The following SEZ6L variants were observed in gnomAD, a reference collection of about 807,000 sequenced individuals.
SEZ6L encodes seizure related 6 homolog like, also known as seizure 6-like protein.
Under a neutral mutation model 106.2 loss-of-function variants are expected in SEZ6L, and 37 were observed. That is an observed-to-expected ratio of 0.35 (90% CI 0.27 to 0.46). The LOEUF (loss-of-function observed/expected upper bound fraction) is 0.46. Among genes scored for constraint, SEZ6L ranks in the 20% least tolerant of loss-of-function variants. The pLI, the probability that SEZ6L is intolerant of heterozygous loss-of-function variation, is 1.00. For missense variants in SEZ6L, 1,172 were observed against 1,332.8 expected (o/e 0.88, Z 1.88); for synonymous variants, 541 against 570.4 (o/e 0.95, Z 0.73).
intron 1 of SEZ6L, among the ~76,000 whole-genome samples, chr22:26,187,288 C>T (rs891963947): frequency 6.6e-6 from 1 of 152,198 alleles, no homozygotes; most frequent in East Asian, 1.9e-4. Context: ...CTTGTGAGAA[C>T]TCACTCACTA....
At chr22:26,372,953 A>G (rs929758548) in intron 13 of SEZ6L, among the ~76,000 whole-genome samples, 1 of 152,194 alleles carries the variant, frequency 6.6e-6, no homozygotes, top group African/African-American at 2.4e-5. Context: ...GCCCCACATG[A>G]AAATGATGAA....
chr22:26,344,006 A>T (rs894382415), intron 10 of SEZ6L, among the ~76,000 whole-genome samples: 6 of 152,192 alleles, frequency 3.9e-5, no homozygotes, highest in Non-Finnish European at 7.3e-5. Flanking sequence ...GGTATTTGTT[A>T]TTCTGGCTCT....
chr22:26,306,428 C>T (rs971326381), intron 6 of SEZ6L, among the ~76,000 whole-genome samples: 1 of 152,144 alleles, frequency 6.6e-6, no homozygotes, highest in East Asian at 1.9e-4. Context: ...CTTGCACACC[C>T]CTTTTTGCAG....
chr22:26,375,558 C>T lies in SEZ6L; in HGVS notation c.2828-17C>T, dbSNP rs777796673. 19 of 1,602,594 alleles carry T rather than the reference C, an allele frequency of 1.2e-5. No homozygotes were observed. In the Admixed American group the frequency reaches 1.8e-4, roughly 15 times the overall value. On this transcript the variant is annotated splice_polypyrimidine_tract_variant and intron_variant, in intron 14 of 16. Transcript: ENST00000248933. The stretch of plus-strand genomic sequence containing the variant: ...AGCTACCTGGGAAATGAGGACCTCA[C>T]TGGCTCCTGTGTTCAGTAGCAGAAG...
chr22:26,185,961 T>G (rs1429119687), intron 1 of SEZ6L, among the ~76,000 whole-genome samples: 1 of 152,138 alleles, frequency 6.6e-6, no homozygotes, highest in Non-Finnish European at 1.5e-5. Context: ...AGCCCTGTTC[T>G]CCTGCCTCCT....
chr22:26,228,445 T>C (rs2078699984), intron 1 of SEZ6L, among the ~76,000 whole-genome samples: 1 of 152,118 alleles, frequency 6.6e-6, no homozygotes, highest in Non-Finnish European at 1.5e-5. Context: ...CACTGTGCCA[T>C]TTGTCACTCC....
chr22:26,192,440 CAT>C (rs1342028398), intron 1 of SEZ6L, among the ~76,000 whole-genome samples: 22 of 152,126 alleles, frequency 1.4e-4, no homozygotes, highest in Admixed American at 9.2e-4. Flanking sequence ...TCTCAATTTA[CAT>C]ATACCTGTAG....
At chr22:26,225,807 G>T (rs752215033) in intron 1 of SEZ6L, among the ~76,000 whole-genome samples, 6 of 152,176 alleles carry the variant, frequency 3.9e-5, no homozygotes, top group Non-Finnish European at 8.8e-5. Context: ...ATGGCTTCTA[G>T]TTCCACCCAG....
chr22:26,343,997 G>A (rs775831715), intron 10 of SEZ6L, among the ~76,000 whole-genome samples: 2 of 152,150 alleles, frequency 1.3e-5, no homozygotes, highest in African/African-American at 2.4e-5. Context: ...CATGAGAAGG[G>A]TATTTGTTAT....
At chr22:26,322,225 A>G (rs930083596) in intron 9 of SEZ6L, among the ~76,000 whole-genome samples, 3 of 152,202 alleles carry the variant, frequency 2.0e-5, no homozygotes, top group Non-Finnish European at 2.9e-5. Context: ...AGATATTATC[A>G]TTACCACTTT....
At chr22:26,348,735 A>AAGGGG (rs2083156270) in intron 11 of SEZ6L, among the ~76,000 whole-genome samples, 1 of 16,850 alleles carries the variant, frequency 5.9e-5, no homozygotes, top group Non-Finnish European at 1.3e-4. Context: ...GAAGGGAGGG[A>AAGGGG]AGGGAAGAAG....
At chr22:26,229,724 G>T (rs986478072) in intron 1 of SEZ6L, among the ~76,000 whole-genome samples, 1 of 152,340 alleles carries the variant, frequency 6.6e-6, no homozygotes, top group Middle Eastern at 3.4e-3. Flanking sequence ...CTGGGGATGG[G>T]ACCTGGAAGC....
In SEZ6L at chr22:26,365,360, C is replaced by T. The variant is rs758994269; in HGVS notation, c.2600-12C>T. 46 of 1,594,348 alleles carry T rather than the reference C, an allele frequency of 2.9e-5. 1 individual carries two copies. In the South Asian group the frequency reaches 4.8e-4, roughly 16 times the overall value. ...ATCATCTCATCAGAGCTCCTTCTGG[C>T]TTGCATTTCAGCGGAGGAGTCCCTG... On this transcript the variant is annotated splice_polypyrimidine_tract_variant and intron_variant, in intron 12 of 16. Coordinates refer to ENST00000248933, the MANE Select transcript of SEZ6L (RefSeq NM_021115.5).
chr22:26,300,490 T>A (rs2081421215), intron 5 of SEZ6L, among the ~76,000 whole-genome samples: 1 of 152,262 alleles, frequency 6.6e-6, no homozygotes, highest in Non-Finnish European at 1.5e-5. Context: ...GAACTCATCA[T>A]TTTTTATGGC....
rs190460364 is a variant in SEZ6L, at chr22:26,224,718, T to C, written c.94+54955T>C. On this transcript the variant is annotated intron_variant, in intron 1 of 16. Coordinates refer to ENST00000248933, the MANE Select transcript of SEZ6L (RefSeq NM_021115.5). ...TTTTAGAAGTCAAGCTGGCAGGAAGTGCTAATAGACTGGCTGTGGAGGGTA... is the reference window on the plus strand; with the variant it reads ...TTTTAGAAGTCAAGCTGGCAGGAAGCGCTAATAGACTGGCTGTGGAGGGTA... Among the ~76,000 whole-genome samples the C allele has an allele frequency of 8.5e-5, 13 of 152,242 alleles. No homozygotes were observed. In the South Asian group the frequency reaches 1.7e-3, roughly 19 times the overall value.
chr22:26,350,194 G>GTATATATATATATACACATATA (rs1556373473), intron 11 of SEZ6L, among the ~76,000 whole-genome samples: 5 of 138,736 alleles, frequency 3.6e-5, no homozygotes, highest in African/African-American at 5.7e-5. Context: ...GTGTGTGTGT[G>GTATATATATATATACACATATA]TATATATATA....
At chr22:26,190,034 T>C (rs1204940259) in intron 1 of SEZ6L, among the ~76,000 whole-genome samples, 1 of 151,332 alleles carries the variant, frequency 6.6e-6, no homozygotes, top group Non-Finnish European at 1.5e-5. Context: ...GAGGCGGAGC[T>C]TGCAGTGAGC....
chr22:26,284,688 G>A (rs2080880742), intron 1 of SEZ6L, among the ~76,000 whole-genome samples: 1 of 151,068 alleles, frequency 6.6e-6, no homozygotes, highest in South Asian at 2.1e-4. Flanking sequence ...GTAGAAAGCA[G>A]GATTGGTGAA....
At chr22:26,195,972 T>C (rs1940552243) in intron 1 of SEZ6L, among the ~76,000 whole-genome samples, 1 of 152,126 alleles carries the variant, frequency 6.6e-6, no homozygotes, top group Non-Finnish European at 1.5e-5. Context: ...AAACAGCATA[T>C]GCAAAGCCCC....
Sources: gnomAD v4.1 joint callset for allele counts (sites outside exome capture counted in the v4.1 genomes callset) on GRCh38, gnomAD v4.1.1 for gene constraint, MANE v1.5 for transcripts, NCBI Gene and HGNC (gene_info 2026-07-23, HGNC 2026-07-21) for gene names.